The following CFAP299 variants were observed in gnomAD, a reference collection of about 807,000 sequenced individuals.
CFAP299 encodes the protein cilia and flagella associated protein 299.
Under a neutral mutation model 27.0 loss-of-function variants are expected in CFAP299, and 21 were observed. The ratio of observed to expected loss-of-function variants is 0.78; its 90% confidence interval spans 0.55 to 1.12. The LOEUF is 1.12. Among genes scored for constraint, CFAP299 ranks in the 50% most tolerant of loss-of-function variants. The pLI is 0.00. For synonymous variants in CFAP299, 104 were observed against 98.1 expected (o/e 1.06, Z -0.36); for missense variants, 310 against 276.6 (o/e 1.12, Z -0.86).
intron 3 of CFAP299, among the ~76,000 whole-genome samples, chr4:80,652,902 T>C (rs897012177): frequency 6.6e-6 from 1 of 152,170 alleles, no homozygotes; most frequent in South Asian, 2.1e-4. Context: ...CTATGCCTTA[T>C]TGCCCTGGAA....
At chr4:80,944,178 A>C (rs1737351304) in intron 4 of CFAP299, among the ~76,000 whole-genome samples, 1 of 152,196 alleles carries the variant, frequency 6.6e-6, no homozygotes. Context: ...ATTTGGATTG[A>C]AATATTAGCC....
chr4:80,545,159 A>G (rs1734166281), intron 2 of CFAP299, among the ~76,000 whole-genome samples: 1 of 152,170 alleles, frequency 6.6e-6, no homozygotes, highest in Non-Finnish European at 1.5e-5. Flanking sequence ...AACTGAAAAA[A>G]CAGATGCAAC....
At chr4:80,657,345 G>GTTTT (rs1740607348) in intron 3 of CFAP299, among the ~76,000 whole-genome samples, 1 of 152,116 alleles carries the variant, frequency 6.6e-6, no homozygotes, top group Admixed American at 6.6e-5. Context: ...TTCTTCTAGG[G>GTTTT]TTTTTATGGT....
chr4:80,382,794 A>G (rs1047925292), intron 2 of CFAP299, among the ~76,000 whole-genome samples: 4 of 152,188 alleles, frequency 2.6e-5, no homozygotes, highest in Admixed American at 1.3e-4. Context: ...AAACAGAACT[A>G]CCATCTGACC....
intron 2 of CFAP299, among the ~76,000 whole-genome samples, chr4:80,560,600 C>G (rs1389552259): frequency 6.6e-6 from 1 of 152,064 alleles, no homozygotes; most frequent in African/African-American, 2.4e-5. Context: ...AAAGGTGAGT[C>G]TCAAGCCAAG....
chr4:80,592,427 C>T (rs1736835076), intron 3 of CFAP299, among the ~76,000 whole-genome samples: 3 of 152,062 alleles, frequency 2.0e-5, no homozygotes, highest in Non-Finnish European at 4.4e-5. Context: ...TAACAAGTAC[C>T]ATGGCTTTCA....
intron 2 of CFAP299, among the ~76,000 whole-genome samples, chr4:80,471,858 C>A (rs1160341576): frequency 6.6e-6 from 1 of 152,188 alleles, no homozygotes; most frequent in East Asian, 1.9e-4. Flanking sequence ...TCCCACACAC[C>A]TGTGTTTACA....
intron 3 of CFAP299, among the ~76,000 whole-genome samples, chr4:80,826,205 C>G (rs1420767140): frequency 6.6e-6 from 1 of 151,292 alleles, no homozygotes; most frequent in East Asian, 1.9e-4. Flanking sequence ...CCATCATAAG[C>G]ACAAACCAAG....
At chr4:80,418,598 C>T (rs188458157) in intron 2 of CFAP299, among the ~76,000 whole-genome samples, 740 of 152,232 alleles carry the variant, frequency 4.9e-3, no homozygotes, top group Middle Eastern at 0.014. Flanking sequence ...AAACTTATTC[C>T]TCCTATCTGA....
intron 2 of CFAP299, among the ~76,000 whole-genome samples, chr4:80,482,130 T>C (rs987783423): frequency 1.3e-5 from 2 of 151,840 alleles, no homozygotes; most frequent in Non-Finnish European, 2.9e-5. Flanking sequence ...TCTGGGAATA[T>C]AGAATATAAG....
intron 3 of CFAP299, among the ~76,000 whole-genome samples, chr4:80,843,885 A>G (rs1387127236): frequency 6.6e-6 from 1 of 151,466 alleles, no homozygotes; most frequent in Non-Finnish European, 1.5e-5. Flanking sequence ...AGCATTAGGT[A>G]TATCTCCTAA....
At chr4:80,555,947 A>T (rs1734759015) in intron 2 of CFAP299, among the ~76,000 whole-genome samples, 1 of 152,086 alleles carries the variant, frequency 6.6e-6, no homozygotes, top group African/African-American at 2.4e-5. Flanking sequence ...ACAAAAGTAT[A>T]CTCAATGTAC....
intron 2 of CFAP299, among the ~76,000 whole-genome samples, chr4:80,549,303 A>G (rs1734390515): frequency 6.6e-6 from 1 of 152,120 alleles, no homozygotes; most frequent in Non-Finnish European, 1.5e-5. Context: ...TTGGGTTTAG[A>G]ACAGTGGGAG....
At chr4:80,707,877 C>T (rs1307361838) in intron 3 of CFAP299, among the ~76,000 whole-genome samples, 2 of 152,036 alleles carry the variant, frequency 1.3e-5, no homozygotes, top group Non-Finnish European at 2.9e-5. Flanking sequence ...TGCATATGTA[C>T]TCATTTGTCC....
At chr4:80,674,642 G>A (rs538970905) in intron 3 of CFAP299, among the ~76,000 whole-genome samples, 3 of 152,204 alleles carry the variant, frequency 2.0e-5, no homozygotes, top group Admixed American at 6.5e-5. Flanking sequence ...CATTCTCCCC[G>A]TCACTTTCAC....
At chr4:80,554,505 GTTTTTT>G (rs869288835) in intron 2 of CFAP299, among the ~76,000 whole-genome samples, 1 of 108,718 alleles carries the variant, frequency 9.2e-6, no homozygotes, top group African/African-American at 3.6e-5. Context: ...TTTTCCACTA[GTTTTTT>G]TTTTTTTTTT....
At position 80,926,050 on chromosome 4, in the gene CFAP299, T is replaced by C. The variant is rs1233131036; in HGVS notation, c.477-18760T>C. ...GTTTCCCATGGGAAGTATTGCATGATATGATATTTGAAGGATGTGCAGAAC... is the reference window on the plus strand; with the variant it reads ...GTTTCCCATGGGAAGTATTGCATGACATGATATTTGAAGGATGTGCAGAAC... On this transcript the variant is annotated intron_variant, in intron 4 of 5. Transcript: ENST00000358105. Among the ~76,000 whole-genome samples the C allele has an allele frequency of 3.3e-5, 5 of 152,154 alleles. No individual in the cohort carries two copies. In the East Asian group the frequency reaches 9.7e-4, roughly 29 times the overall value.
chr4:80,869,758 C>T (rs1054078366), intron 3 of CFAP299, among the ~76,000 whole-genome samples: 3 of 152,146 alleles, frequency 2.0e-5, no homozygotes, highest in Non-Finnish European at 4.4e-5. Flanking sequence ...GTGATCTGCC[C>T]GCTTCGGCCT....
intron 2 of CFAP299, among the ~76,000 whole-genome samples, chr4:80,479,236 A>G (rs1167237464): frequency 6.6e-6 from 1 of 152,090 alleles, no homozygotes; most frequent in Non-Finnish European, 1.5e-5. Context: ...CTGTTAAAAA[A>G]GAAAACAATA....
Sources: gnomAD v4.1 joint callset for allele counts (sites outside exome capture counted in the v4.1 genomes callset) on GRCh38, gnomAD v4.1.1 for gene constraint, MANE v1.5 for transcripts, NCBI Gene and HGNC (gene_info 2026-07-23, HGNC 2026-07-21) for gene names.